IFNGR2: variants seen among roughly 807,000 people sequenced by gnomAD.
IFNGR2 encodes interferon gamma receptor 2.
IFNGR2 carries 15 observed loss-of-function variants against 41.1 expected under a neutral mutation model. The observed-to-expected ratio is 0.37, with a 90% confidence interval of 0.24 to 0.56. The LOEUF (loss-of-function observed/expected upper bound fraction) is 0.56. IFNGR2 is among the 20% of genes least tolerant of loss of function. IFNGR2 has a pLI of 0.81. For synonymous variants in IFNGR2, 161 were observed against 171.6 expected (o/e 0.94, Z 0.48); for missense variants, 362 against 415.7 (o/e 0.87, Z 1.12).
At chr21:33,433,524 C>T (rs1307145120) in intron 6 of IFNGR2, among the ~76,000 whole-genome samples, 2 of 152,186 alleles carry the variant, frequency 1.3e-5, no homozygotes, top group Non-Finnish European at 2.9e-5. Context: ...CAAAAGGATA[C>T]TGTCTGCTTC....
intron 3 of IFNGR2, 80 bp downstream of exon 3, chr21:33,421,765 TCCTG>T: frequency 1.9e-6 from 2 of 1,074,784 alleles, no homozygotes; most frequent in Non-Finnish European, 2.9e-6. Flanking sequence ...CACACCTCTG[TCCTG>T]CCTGTCACCC....
At position 33,432,729 on chromosome 21, in the gene IFNGR2, A is replaced by G. The variant is rs2083901482; in HGVS notation, c.737A>G (p.Gln246Arg). 6.2e-7 allele frequency: 1 copy of G among 1,614,136 alleles called. No homozygotes were observed. The highest frequency in any genetic ancestry group is 1.3e-5 in the African/African-American group (1 of 75,024). Residue 246 changes from glutamine (Q) to arginine (R), a missense_variant, in exon 6 of 7, where the codon CAG becomes CGG. Transcript: ENST00000290219. ...ETMADASTEL[Q>R]QVILISVGTF... ...CTCTTTTTAGCCTCCACTGAGCTTC[A>G]GCAAGTCATCCTGATCTCCGTGGGA...
intron 3 of IFNGR2, 57 bp from the exon 4 acceptor site, chr21:33,426,827 T>C (rs2083840611): frequency 7.1e-6 from 9 of 1,265,228 alleles, no homozygotes; most frequent in Non-Finnish European, 1.0e-5. Context: ...TACATTGTAT[T>C]ATATCTATAA....
At chr21:33,416,326 A>C (rs542542928) in intron 2 of IFNGR2, among the ~76,000 whole-genome samples, 57 of 152,346 alleles carry the variant, frequency 3.7e-4, no homozygotes, top group Admixed American at 1.1e-3. Flanking sequence ...TAAACCACAG[A>C]CAGCCAATAG....
chr21:33,430,890 T>C (rs113912438), intron 4 of IFNGR2, among the ~76,000 whole-genome samples: 3 of 152,352 alleles, frequency 2.0e-5, no homozygotes, highest in African/African-American at 7.2e-5. Flanking sequence ...TGTAGTGGAT[T>C]ATATTGTATC....
At chr21:33,422,239 T>C (rs1403685862) in intron 3 of IFNGR2, among the ~76,000 whole-genome samples, 1 of 152,190 alleles carries the variant, frequency 6.6e-6, no homozygotes, top group Non-Finnish European at 1.5e-5. Flanking sequence ...TCCCCAGATA[T>C]TGGAAGGAGA....
intron 2 of IFNGR2, among the ~76,000 whole-genome samples, chr21:33,419,326 T>C (rs1275283178): frequency 6.6e-6 from 1 of 152,206 alleles, no homozygotes; most frequent in Non-Finnish European, 1.5e-5. Flanking sequence ...TAGGCTGGTT[T>C]CGAACTCCTC....
chr21:33,435,882 CAAAA>C (rs35251279), intron 6 of IFNGR2, among the ~76,000 whole-genome samples: 3 of 48,244 alleles, frequency 6.2e-5, no homozygotes, highest in Non-Finnish European at 1.0e-4. Context: ...GACTCCGTCT[CAAAA>C]AAAAAAAAAA....
Position 33,415,648 on chromosome 21 carries a change from C to A in IFNGR2, c.206+628C>A, listed in dbSNP as rs1032015008. ...AGTAAGGTGAAGTTATTGGCTAAGTCATTTTGTACTATTTGGTAAACCAAA... is the reference window on the plus strand; with the variant it reads ...AGTAAGGTGAAGTTATTGGCTAAGTAATTTTGTACTATTTGGTAAACCAAA... On this transcript the variant is annotated intron_variant, in intron 2 of 6. Transcript: ENST00000290219. 2.0e-5 allele frequency among the ~76,000 whole-genome samples: 3 copies of A among 152,286 alleles called. No individual in the cohort carries two copies. The South Asian group carries it at 6.2e-4, about 32-fold the overall frequency.
intron 1 of IFNGR2, among the ~76,000 whole-genome samples, chr21:33,404,708 C>CTT (rs2083665130): frequency 6.6e-6 from 1 of 152,118 alleles, no homozygotes; most frequent in Non-Finnish European, 1.5e-5. Flanking sequence ...GGATTACAGG[C>CTT]TTGAGGCACC....
intron 4 of IFNGR2, among the ~76,000 whole-genome samples, chr21:33,430,610 AT>A (rs1016552460): frequency 2.0e-5 from 3 of 151,716 alleles, no homozygotes; most frequent in African/African-American, 7.3e-5. Context: ...TGACCAGCTT[AT>A]TTTTTTATTA....
rs1420710234 is a variant in IFNGR2, at chr21:33,423,063, G to A, written c.412+1378G>A. Among the ~76,000 whole-genome samples the A allele has an allele frequency of 3.9e-4, 46 of 118,516 alleles. 1 individual carries two copies. The highest frequency in any genetic ancestry group is 1.6e-3 in the South Asian group (6 of 3,692). 77.8% of individuals were successfully genotyped at this position (118,516 alleles called of 152,430 possible). On this transcript the variant is annotated intron_variant, in intron 3 of 6. Coordinates refer to ENST00000290219, the MANE Select transcript of IFNGR2 (RefSeq NM_005534.4). ...TTTTTTTTTTTTTTTTTTTTGAGAC[G>A]GAGTCTCTCTCTCTTGCCCAGGCTG...
intron 6 of IFNGR2, among the ~76,000 whole-genome samples, chr21:33,434,668 C>T (rs769543327): frequency 7.2e-5 from 11 of 152,168 alleles, no homozygotes; most frequent in Non-Finnish European, 1.3e-4. Flanking sequence ...TCTGCAGAAA[C>T]ATAGCAGCAC....
chr21:33,403,468 C>T lies in IFNGR2; in HGVS notation c.-76C>T. 1.1e-6 allele frequency: 1 copy of T among 929,188 alleles called. No individual in the cohort carries two copies. Among genetic ancestry groups the T allele is most frequent in the Non-Finnish European group, 1.3e-6 (1 of 751,288 alleles). 57.6% of individuals were successfully genotyped at this position (929,188 alleles called of 1,614,324 possible). A position where few individuals can be genotyped will look rare whatever the true frequency, so the allele number is the denominator to read the frequency against. On this transcript the variant is annotated 5_prime_UTR_variant, in exon 1 of 7. Transcript: ENST00000290219. ...CCTGCGCTCGCCATGGCGGTTTGGG[C>T]GGCGACGTGAGCGGCTCCGCGGACC... is the stretch of plus-strand genomic sequence containing the variant.
chr21:33,411,324 G>A (rs1043581894), intron 1 of IFNGR2: 5 of 392,686 alleles, frequency 1.3e-5, no homozygotes, highest in Non-Finnish European at 2.1e-5. Context: ...TTGTCCCCTC[G>A]CCACCCACCC....
chr21:33,408,996 G>A (rs1257894494), intron 1 of IFNGR2, among the ~76,000 whole-genome samples: 1 of 151,984 alleles, frequency 6.6e-6, no homozygotes, highest in Non-Finnish European at 1.5e-5. Flanking sequence ...GGCCAAGATG[G>A]TGAAACGCTG....
chr21:33,433,165 C>G (rs921854002), intron 6 of IFNGR2, among the ~76,000 whole-genome samples: 1 of 152,114 alleles, frequency 6.6e-6, no homozygotes, highest in African/African-American at 2.4e-5. Flanking sequence ...GGATTACAGG[C>G]GGGAGCCACT....
chr21:33,426,179 A>AAGGC (rs1394933879), intron 3 of IFNGR2, among the ~76,000 whole-genome samples: 3 of 151,570 alleles, frequency 2.0e-5, no homozygotes, highest in Non-Finnish European at 2.9e-5. Context: ...TTGGGAGGCC[A>AAGGC]AGGCAGGCGG....
At position 33,423,036 on chromosome 21, in the gene IFNGR2, C is replaced by CTTTTTTTT. The variant is rs1158807047; in HGVS notation, c.412+1365_412+1372dup. 1.4e-4 allele frequency among the ~76,000 whole-genome samples: 17 copies of CTTTTTTTT among 117,372 alleles called. 1 individual carries two copies. The highest frequency in any genetic ancestry group is 5.1e-4 in the African/African-American group (15 of 29,396). The allele number at this position is 117,372 out of a possible 152,430, so 77.0% of individuals were successfully genotyped here. A position where few individuals can be genotyped will look rare whatever the true frequency, so the allele number is the denominator to read the frequency against. ...GTGTTTGTTAATGATCTTCCCTCTACTTTTTTTTTTTTTTTTTTTTTGAGA... is the reference window on the plus strand; with the variant it reads ...GTGTTTGTTAATGATCTTCCCTCTACTTTTTTTTTTTTTTTTTTTTTTTTTTTTTGAGA... On this transcript the variant is annotated intron_variant, in intron 3 of 6. Transcript: ENST00000290219.
Sources: allele counts gnomAD v4.1 joint callset (sites outside exome capture counted in the v4.1 genomes callset), GRCh38; gene constraint gnomAD v4.1.1; transcripts MANE v1.5; gene names NCBI Gene and HGNC (gene_info 2026-07-23, HGNC 2026-07-21).